RIMS1: variants seen among roughly 807,000 people sequenced by gnomAD.
RIMS1 encodes regulating synaptic membrane exocytosis 1.
Under a neutral mutation model 214.1 loss-of-function variants are expected in RIMS1, and 83 were observed. The ratio of observed to expected loss-of-function variants is 0.39; its 90% CI spans 0.32 to 0.47. The LOEUF (loss-of-function observed/expected upper bound fraction) is 0.47, where lower values mean the gene tolerates loss of function less well. Among genes scored for constraint, RIMS1 ranks in the 20% least tolerant of loss-of-function variants. The pLI is 0.99. For synonymous variants in RIMS1, 793 were observed against 786.8 expected (o/e 1.01, Z -0.13); for missense variants, 2,050 against 2,161.8 (o/e 0.95, Z 1.03).
At chr6:72,216,628 A>G in intron 6 of RIMS1, 2 of 985,584 alleles carry the variant, frequency 2.0e-6, no homozygotes, top group African/African-American at 1.7e-5. Context: ...AATGGGACCA[A>G]ATCATTTCAG....
intron 2 of RIMS1, among the ~76,000 whole-genome samples, chr6:71,987,072 A>G (rs1404096091): frequency 6.6e-6 from 1 of 152,202 alleles, no homozygotes; most frequent in Non-Finnish European, 1.5e-5. Flanking sequence ...TCAAGGAGAA[A>G]TATGCAGAGT....
intron 2 of RIMS1, among the ~76,000 whole-genome samples, chr6:72,041,096 A>G (rs1821312521): frequency 6.6e-6 from 1 of 151,934 alleles, no homozygotes; most frequent in African/African-American, 2.4e-5. Flanking sequence ...GTATGTGTGT[A>G]TGCACATAGG....
chr6:72,229,880 G>T (rs1322723432), intron 6 of RIMS1, among the ~76,000 whole-genome samples: 1 of 151,698 alleles, frequency 6.6e-6, no homozygotes, highest in African/African-American at 2.4e-5. Flanking sequence ...GCTGACCATG[G>T]TATGTGTCCA....
chr6:72,329,538 T>TTA (rs1329019422), intron 28 of RIMS1, among the ~76,000 whole-genome samples: 1 of 151,730 alleles, frequency 6.6e-6, no homozygotes, highest in Non-Finnish European at 1.5e-5. Flanking sequence ...TTTATTAGTT[T>TTA]TTTTTTTTCA....
At chr6:71,939,740 A>G (rs560852169) in intron 1 of RIMS1, among the ~76,000 whole-genome samples, 1 of 152,338 alleles carries the variant, frequency 6.6e-6, no homozygotes. Flanking sequence ...CAGAGCTTTC[A>G]TGACCTAATA....
intron 1 of RIMS1, among the ~76,000 whole-genome samples, chr6:71,927,508 T>G (rs948461586): frequency 6.6e-6 from 1 of 152,156 alleles, no homozygotes; most frequent in African/African-American, 2.4e-5. Flanking sequence ...AATTGACTGA[T>G]TAGACAAAAT....
intron 1 of RIMS1, among the ~76,000 whole-genome samples, chr6:71,941,777 T>G (rs1032263489): frequency 1.3e-5 from 2 of 152,206 alleles, no homozygotes; most frequent in Non-Finnish European, 2.9e-5. Flanking sequence ...TGGGACATTA[T>G]CTTTCAGAAC....
At chr6:72,074,064 C>T (rs1284609374) in intron 2 of RIMS1, among the ~76,000 whole-genome samples, 4 of 152,098 alleles carry the variant, frequency 2.6e-5, no homozygotes, top group Non-Finnish European at 5.9e-5. Flanking sequence ...GATCCATAAA[C>T]TGCCGAAAGA....
chr6:71,994,971 T>C (rs1802937783), intron 2 of RIMS1, among the ~76,000 whole-genome samples: 2 of 152,226 alleles, frequency 1.3e-5, no homozygotes, highest in African/African-American at 2.4e-5. Flanking sequence ...TTTTGAAATA[T>C]TGCCTTTGTT....
chr6:72,071,202 C>G (rs1179946690), intron 2 of RIMS1, among the ~76,000 whole-genome samples: 3 of 152,028 alleles, frequency 2.0e-5, no homozygotes, highest in African/African-American at 7.2e-5. Context: ...TCGAGATCAG[C>G]CTGGGCAACA....
chr6:72,382,006 A>C (rs1319440531), intron 29 of RIMS1, among the ~76,000 whole-genome samples: 1 of 152,238 alleles, frequency 6.6e-6, no homozygotes, highest in Non-Finnish European at 1.5e-5. Context: ...AAATATCATC[A>C]AAAGAATGAT....
intron 2 of RIMS1, among the ~76,000 whole-genome samples, chr6:72,093,652 ATG>A (rs2029976195): frequency 6.6e-6 from 1 of 151,722 alleles, no homozygotes; most frequent in African/African-American, 2.4e-5. Context: ...GTGATTCCTC[ATG>A]TGTTAGATTT....
chr6:72,108,465 T>C (rs149239816), intron 4 of RIMS1, among the ~76,000 whole-genome samples: 1 of 152,268 alleles, frequency 6.6e-6, no homozygotes, highest in East Asian at 1.9e-4. Context: ...AAAACAATAC[T>C]ATCACCTAAC....
intron 2 of RIMS1, among the ~76,000 whole-genome samples, chr6:72,053,409 T>C (rs1825266581): frequency 6.6e-6 from 1 of 152,338 alleles, no homozygotes; most frequent in East Asian, 1.9e-4. Context: ...AGAAATACCT[T>C]ACTCTTTACG....
chr6:72,142,947 A>C (rs1008781440), intron 4 of RIMS1, among the ~76,000 whole-genome samples: 2 of 152,172 alleles, frequency 1.3e-5, no homozygotes, highest in Non-Finnish European at 2.9e-5. Flanking sequence ...AAATTTATGC[A>C]AACAGCTTTC....
intron 2 of RIMS1, among the ~76,000 whole-genome samples, chr6:72,076,434 A>G (rs1831900887): frequency 6.6e-6 from 1 of 152,126 alleles, no homozygotes; most frequent in African/African-American, 2.4e-5. Flanking sequence ...TTCTCTTCCA[A>G]GTATTATATG....
chr6:72,142,285 G>T (rs1390883856), intron 4 of RIMS1, among the ~76,000 whole-genome samples: 4 of 151,980 alleles, frequency 2.6e-5, no homozygotes, highest in African/African-American at 9.7e-5. Flanking sequence ...TAACTCCAAA[G>T]ATGGTGATTC....
At chr6:72,224,214 T>C (rs2059495648) in intron 6 of RIMS1, among the ~76,000 whole-genome samples, 1 of 152,176 alleles carries the variant, frequency 6.6e-6, no homozygotes. Flanking sequence ...TCCAGGTGCA[T>C]GGTTGTTTGA....
At chr6:72,093,239 T>C (rs1488265407) in intron 2 of RIMS1, among the ~76,000 whole-genome samples, 1 of 148,072 alleles carries the variant, frequency 6.8e-6, no homozygotes, top group Non-Finnish European at 1.5e-5. Flanking sequence ...AAAACATGTG[T>C]GTATATATGT....
Sources: gnomAD v4.1 joint callset for allele counts (sites outside exome capture counted in the v4.1 genomes callset) on GRCh38, gnomAD v4.1.1 for gene constraint, MANE v1.5 for transcripts, NCBI Gene and HGNC (gene_info 2026-07-23, HGNC 2026-07-21) for gene names.